The following MARCHF1 variants were observed in gnomAD, a reference collection of about 807,000 sequenced individuals.
MARCHF1 encodes membrane associated ring-CH-type finger 1.
MARCHF1 carries 40 observed loss-of-function variants against 54.2 expected under a neutral mutation model. The ratio of observed to expected loss-of-function variants is 0.74; its 90% CI spans 0.57 to 0.96. MARCHF1 has a LOEUF of 0.96. Ranked by LOEUF, MARCHF1 falls within the 40% of genes least tolerant of loss-of-function variation. The pLI, the probability that MARCHF1 is intolerant of heterozygous loss-of-function variation, is 0.00. For synonymous variants in MARCHF1, 236 were observed against 236.3 expected (o/e 1.00, Z 0.01); for missense variants, 586 against 656.5 (o/e 0.89, Z 1.17).
chr4:164,116,482 A>T (rs1448948467), intron 1 of MARCHF1, among the ~76,000 whole-genome samples: 1 of 152,132 alleles, frequency 6.6e-6, no homozygotes, highest in Non-Finnish European at 1.5e-5. Context: ...TCCTTTAAAA[A>T]CAGAAAAAGC....
chr4:164,142,415 T>C (rs1756569642), intron 1 of MARCHF1, among the ~76,000 whole-genome samples: 1 of 152,166 alleles, frequency 6.6e-6, no homozygotes, highest in Non-Finnish European at 1.5e-5. Context: ...CAGACTTAAA[T>C]GTCCCTGTCT....
intron 5 of MARCHF1, among the ~76,000 whole-genome samples, chr4:163,615,786 A>T (rs1183559883): frequency 6.6e-6 from 1 of 152,194 alleles, no homozygotes; most frequent in Non-Finnish European, 1.5e-5. Flanking sequence ...TTGAGCAAAA[A>T]GAACTAAGCT....
intron 3 of MARCHF1, among the ~76,000 whole-genome samples, chr4:163,895,685 G>C (rs1039204684): frequency 6.6e-6 from 1 of 152,146 alleles, no homozygotes; most frequent in African/African-American, 2.4e-5. Context: ...AGGATGTTCT[G>C]TTTTGATCAG....
intron 9 of MARCHF1, among the ~76,000 whole-genome samples, chr4:163,544,855 G>A (rs923300791): frequency 6.6e-6 from 1 of 152,162 alleles, no homozygotes; most frequent in Admixed American, 6.5e-5. Flanking sequence ...TTTCCTGCGG[G>A]AGTGTGGGGA....
chr4:164,018,923 C>T (rs77226971), intron 2 of MARCHF1, among the ~76,000 whole-genome samples: 12 of 152,090 alleles, frequency 7.9e-5, no homozygotes, highest in Admixed American at 3.9e-4. Context: ...CTTTAAAATC[C>T]GTAATCCACA....
chr4:163,918,834 C>A (rs1445412873), intron 3 of MARCHF1, among the ~76,000 whole-genome samples: 1 of 151,954 alleles, frequency 6.6e-6, no homozygotes, highest in Non-Finnish European at 1.5e-5. Flanking sequence ...GTGAGAAAAA[C>A]AAAAATGTTT....
intron 4 of MARCHF1, among the ~76,000 whole-genome samples, chr4:163,851,644 A>G (rs1749644974): frequency 6.6e-6 from 1 of 152,238 alleles, no homozygotes. Context: ...TCTGGTGACC[A>G]GTAAAATGGA....
At chr4:163,666,588 G>T (rs1052595813) in intron 5 of MARCHF1, among the ~76,000 whole-genome samples, 3 of 152,042 alleles carry the variant, frequency 2.0e-5, no homozygotes, top group Non-Finnish European at 4.4e-5. Flanking sequence ...TTCTTGAGTT[G>T]ACTGCTGTGT....
chr4:163,759,200 G>T (rs567007788), intron 4 of MARCHF1, among the ~76,000 whole-genome samples: 69 of 149,828 alleles, frequency 4.6e-4, no homozygotes, highest in African/African-American at 1.6e-3. Flanking sequence ...TTTTTTAATG[G>T]TATATTGGTT....
chr4:164,118,665 T>C (rs1755992712), intron 1 of MARCHF1, among the ~76,000 whole-genome samples: 1 of 151,552 alleles, frequency 6.6e-6, no homozygotes, highest in Admixed American at 6.6e-5. Flanking sequence ...ACAGGAGCCA[T>C]AGCTAAACAA....
At chr4:164,120,196 A>G (rs914678021) in intron 1 of MARCHF1, among the ~76,000 whole-genome samples, 4 of 152,112 alleles carry the variant, frequency 2.6e-5, no homozygotes, top group African/African-American at 9.7e-5. Flanking sequence ...CTACACTTAG[A>G]CAAAACAGAC....
At chr4:163,806,905 G>GA (rs564845521) in intron 4 of MARCHF1, among the ~76,000 whole-genome samples, 16 of 151,180 alleles carry the variant, frequency 1.1e-4, no homozygotes, top group East Asian at 7.8e-4. Flanking sequence ...AGATAAATGT[G>GA]AAAAAAAAGT....
chr4:163,938,336 T>A (rs1449468846), intron 3 of MARCHF1, among the ~76,000 whole-genome samples: 1 of 152,176 alleles, frequency 6.6e-6, no homozygotes, highest in African/African-American at 2.4e-5. Context: ...TACTATCTCC[T>A]CCCTGATGTA....
intron 1 of MARCHF1, among the ~76,000 whole-genome samples, chr4:164,123,020 T>A (rs1442607976): frequency 6.6e-6 from 1 of 152,070 alleles, no homozygotes; most frequent in Non-Finnish European, 1.5e-5. Flanking sequence ...GAAGTCAAAT[T>A]ATCCTTGTTT....
At chr4:163,630,851 G>GA (rs1382463384) in intron 5 of MARCHF1, among the ~76,000 whole-genome samples, 2 of 151,758 alleles carry the variant, frequency 1.3e-5, no homozygotes, top group African/African-American at 4.8e-5. Context: ...GAAAAAGTTG[G>GA]AAAGAAAAAA....
chr4:164,079,889 G>C (rs1227487184), intron 2 of MARCHF1, among the ~76,000 whole-genome samples: 1 of 152,066 alleles, frequency 6.6e-6, no homozygotes, highest in Non-Finnish European at 1.5e-5. Flanking sequence ...ATAATGTTAT[G>C]AACAAAATAC....
At chr4:164,048,156 G>C (rs2111036013) in intron 2 of MARCHF1, among the ~76,000 whole-genome samples, 1 of 152,162 alleles carries the variant, frequency 6.6e-6, no homozygotes, top group South Asian at 2.1e-4. Context: ...CCCTTATCAT[G>C]TGAACAATAT....
At chr4:164,131,239 G>C (rs1469496503) in intron 1 of MARCHF1, among the ~76,000 whole-genome samples, 2 of 151,974 alleles carry the variant, frequency 1.3e-5, no homozygotes, top group Non-Finnish European at 2.9e-5. Flanking sequence ...ATGCCACTGG[G>C]GGTTGCCATG....
At chr4:164,321,452 A>G (rs1026807456) in intron 1 of MARCHF1, among the ~76,000 whole-genome samples, 8 of 151,730 alleles carry the variant, frequency 5.3e-5, no homozygotes, top group Non-Finnish European at 1.0e-4. Flanking sequence ...AATAAACATA[A>G]TACATCCTGG....
Sources: gnomAD v4.1 joint callset for allele counts (sites outside exome capture counted in the v4.1 genomes callset) on GRCh38, gnomAD v4.1.1 for gene constraint, MANE v1.5 for transcripts, NCBI Gene and HGNC (gene_info 2026-07-23, HGNC 2026-07-21) for gene names.